Variants in KIAA1755 observed in about 807,000 individuals in gnomAD.
KIAA1755 encodes KIAA1755, also known as uncharacterized protein KIAA1755.
Under a neutral mutation model 91.7 loss-of-function variants are expected in KIAA1755, and 68 were observed. The ratio of observed to expected loss-of-function variants is 0.74; its 90% CI spans 0.61 to 0.91. The LOEUF is 0.91. KIAA1755 is among the 40% of genes least tolerant of loss of function. The pLI, the probability that KIAA1755 is intolerant of heterozygous loss-of-function variation, is 0.00. For synonymous variants in KIAA1755, 610 were observed against 604.6 expected (o/e 1.01, Z -0.13); for missense variants, 1,535 against 1,494.4 (o/e 1.03, Z -0.45).
intron 7 of KIAA1755, among the ~76,000 whole-genome samples, chr20:38,226,116 C>T (rs984181735): frequency 4.6e-5 from 7 of 152,318 alleles, no homozygotes; most frequent in African/African-American, 1.4e-4. Flanking sequence ...ATCATACAAA[C>T]TGATGGAAGC....
At chr20:38,257,112 T>C (rs1192759896) in intron 1 of KIAA1755, among the ~76,000 whole-genome samples, 1 of 152,152 alleles carries the variant, frequency 6.6e-6, no homozygotes, top group Non-Finnish European at 1.5e-5. Flanking sequence ...GGCAGAAGGA[T>C]GGACCCCCAC....
chr20:38,237,361 GC>G (rs1220987823), intron 4 of KIAA1755, among the ~76,000 whole-genome samples: 1 of 152,010 alleles, frequency 6.6e-6, no homozygotes, highest in Non-Finnish European at 1.5e-5. Flanking sequence ...AACACAATTA[GC>G]CTGCACAATT....
At chr20:38,240,298 T>G (rs1030568721) in intron 3 of KIAA1755, among the ~76,000 whole-genome samples, 25 of 152,130 alleles carry the variant, frequency 1.6e-4, no homozygotes, top group African/African-American at 4.1e-4. Context: ...ATTGCACAGA[T>G]AGGGAGAACG....
intron 13 of KIAA1755, among the ~76,000 whole-genome samples, chr20:38,214,548 A>T (rs1035004118): frequency 6.6e-6 from 1 of 152,186 alleles, no homozygotes; most frequent in African/African-American, 2.4e-5. Flanking sequence ...AAGTGAACTC[A>T]CTTGCCCTAG....
chr20:38,256,695 T>C (rs952929000), intron 1 of KIAA1755, among the ~76,000 whole-genome samples: 2 of 151,968 alleles, frequency 1.3e-5, no homozygotes, highest in African/African-American at 4.8e-5. Context: ...CCTAGCTGCT[T>C]GGGAGGCTGA....
rs1165466922 is a variant in KIAA1755, at chr20:38,214,289, A to T, written c.2902-546T>A. ...CTAATAGACCTACGGGCCAGCAGGG[A>T]CTTAGCCCTCTCTGGGGCTCAGTTT... On this transcript the variant is annotated intron_variant, in intron 13 of 13. Transcript: ENST00000279024. 2.0e-5 allele frequency among the ~76,000 whole-genome samples: 3 copies of T among 152,276 alleles called. No homozygotes were observed. In the East Asian group the frequency reaches 5.8e-4, roughly 29 times the overall value.
chr20:38,247,511 G>T (rs1205439), intron 1 of KIAA1755, among the ~76,000 whole-genome samples: 60,959 of 152,002 alleles, frequency 0.4, 12,402 homozygotes, highest in Middle Eastern at 0.55. Context: ...ACTACCCCAG[G>T]GAGATCAGGT....
chr20:38,221,342 G>C (rs990368633), intron 10 of KIAA1755, among the ~76,000 whole-genome samples: 1 of 152,182 alleles, frequency 6.6e-6, no homozygotes, highest in African/African-American at 2.4e-5. Context: ...CTGGGCTGGT[G>C]GGGCAGGTAA....
intron 1 of KIAA1755, among the ~76,000 whole-genome samples, chr20:38,253,035 T>C (rs1370532173): frequency 6.6e-6 from 1 of 150,980 alleles, no homozygotes; most frequent in Non-Finnish European, 1.5e-5. Flanking sequence ...AATAGATGTG[T>C]TTCCATTCCT....
intron 8 of KIAA1755, 104 bp downstream of exon 8, chr20:38,225,560 GT>G: frequency 1.2e-6 from 1 of 817,458 alleles, no homozygotes; most frequent in Middle Eastern, 2.3e-4. Flanking sequence ...TTGAGTGACC[GT>G]TTATTTTTTA....
At chr20:38,254,700 C>T (rs950187349) in intron 1 of KIAA1755, among the ~76,000 whole-genome samples, 9 of 151,726 alleles carry the variant, frequency 5.9e-5, no homozygotes, top group Middle Eastern at 3.2e-3. Flanking sequence ...ACAGAAGGAT[C>T]GCTTAAGCCC....
intron 1 of KIAA1755, among the ~76,000 whole-genome samples, chr20:38,248,086 C>A (rs1205442): frequency 0.33 from 50,522 of 151,866 alleles, 8,541 homozygotes; most frequent in Middle Eastern, 0.49. Flanking sequence ...AAAAGTAGCC[C>A]GGTGTGGTGA....
Position 38,219,623 on chromosome 20 carries a change from C to G in KIAA1755, c.2556+7G>C, listed in dbSNP as rs760188983. 4 of 1,613,988 alleles carry G rather than the reference C, an allele frequency of 2.5e-6. No individual in the cohort carries two copies. In the Admixed American group the frequency reaches 6.7e-5, roughly 27 times the overall value. On this transcript the variant is annotated splice_region_variant and intron_variant, in intron 11 of 13. Coordinates refer to ENST00000279024, the MANE Select transcript of KIAA1755 (RefSeq NM_001029864.2). ...CCCCCACACCCCAAGCCAGACACCCCTTTCACCTGGTGAATGGCAGCTTCC... is the reference window on the plus strand; with the variant it reads ...CCCCCACACCCCAAGCCAGACACCCGTTTCACCTGGTGAATGGCAGCTTCC...
At chr20:38,246,254 C>T in intron 1 of KIAA1755, 128 bp from the exon 2 acceptor site, 1 of 722,214 alleles carries the variant, frequency 1.4e-6, no homozygotes, top group South Asian at 1.8e-5. Context: ...CCTACCCCAC[C>T]CCCCTCACTC....
At chr20:38,247,948 G>A (rs2076185280) in intron 1 of KIAA1755, among the ~76,000 whole-genome samples, 1 of 152,166 alleles carries the variant, frequency 6.6e-6, no homozygotes, top group African/African-American at 2.4e-5. Context: ...TCGTAAATAG[G>A]CTGGGTGTGG....
rs147848335 is a variant in KIAA1755 at position 38,229,121 on chromosome 20, C to A, written c.1872-881G>T. On this transcript the variant is annotated intron_variant, in intron 5 of 13. Coordinates refer to ENST00000279024, the MANE Select transcript of KIAA1755 (RefSeq NM_001029864.2). ...TCAGGCAGGATTGAAAAATAGCCCC[C>A]AACTGCCCTCAAGCCTTACAACCAC... 4.3e-3 allele frequency among the ~76,000 whole-genome samples: 653 copies of A among 152,352 alleles called. 9 individuals are homozygous for A. The highest frequency in any genetic ancestry group is 0.015 in the African/African-American group (631 of 41,592).
At chr20:38,250,183 A>G (rs964310734) in intron 1 of KIAA1755, among the ~76,000 whole-genome samples, 3 of 152,176 alleles carry the variant, frequency 2.0e-5, no homozygotes, top group Non-Finnish European at 4.4e-5. Context: ...GTGTTTTTCA[A>G]TGAGACTCTG....
At position 38,241,399 on chromosome 20, in the gene KIAA1755, C is replaced by G. The variant is rs766296857; in HGVS notation, c.732G>C (p.Lys244Asn). 2.0e-5 allele frequency: 33 copies of G among 1,614,124 alleles called. No individual in the cohort carries two copies. The highest frequency in any genetic ancestry group is 2.5e-5 in the Non-Finnish European group (29 of 1,180,046). The change falls in exon 3 of 14, where the codon AAG (lysine) becomes AAC (asparagine). Residue 244 changes from lysine to asparagine, a missense_variant. Transcript: ENST00000279024. ...AKGKGRTYGS[K>N]YPGLIKVEQA... The stretch of plus-strand genomic sequence containing the variant: ...GCTCCACCTTGATGAGTCCTGGATA[C>G]TTGCTCCCATATGTCCTGCCCTTAC...
rs190340907 is a variant in KIAA1755, at chr20:38,222,536, C to T, written c.2330G>A (p.Gly777Asp). 2.0e-5 allele frequency: 32 copies of T among 1,613,636 alleles called. No individual in the cohort carries two copies. The East Asian group carries it at 7.1e-4, about 36-fold the overall frequency. The change falls in exon 10 of 14, where the codon GGC becomes GAC. Residue 777 changes from glycine to aspartate, a missense_variant. Gly to Asp is a moderately conservative substitution (Grantham distance 94, BLOSUM62 -1). Coordinates refer to ENST00000279024, the MANE Select transcript of KIAA1755 (RefSeq NM_001029864.2). ...ACCTTCCCGCTGGAGGCCCAGTAGG[C>T]CGGGGTCCCTCAGCACAGCCTCCAT... ...ELMEAVLRDP[G>D]LLGLQREGGA...
Sources: allele counts gnomAD v4.1 joint callset (sites outside exome capture counted in the v4.1 genomes callset), GRCh38; gene constraint gnomAD v4.1.1; transcripts MANE v1.5; gene names NCBI Gene and HGNC (gene_info 2026-07-23, HGNC 2026-07-21).